EVI5: variants seen among roughly 807,000 people sequenced by gnomAD.
EVI5 encodes ecotropic viral integration site 5, also known as ecotropic viral integration site 5 protein homolog.
A neutral mutation model predicts 112.0 loss-of-function variants in EVI5; 73 were observed. The ratio of observed to expected loss-of-function variants is 0.65; its 90% CI spans 0.54 to 0.79. The LOEUF (loss-of-function observed/expected upper bound fraction) is 0.79. Among genes scored for constraint, EVI5 ranks in the 30% least tolerant of loss-of-function variants. The pLI, the probability that EVI5 is intolerant of heterozygous loss-of-function variation, is 0.00. For missense variants in EVI5, 900 were observed against 968.8 expected (o/e 0.93, Z 0.94); for synonymous variants, 305 against 319.9 (o/e 0.95, Z 0.50).
intron 13 of EVI5, chr1:92,647,600 C>A: frequency 2.0e-6 from 1 of 494,438 alleles, no homozygotes; most frequent in East Asian, 3.7e-5. Flanking sequence ...AAGGAATAAG[C>A]AGACACCTTT....
intron 3 of EVI5, chr1:92,704,010 G>A (rs1286353079): frequency 6.4e-6 from 1 of 156,108 alleles, no homozygotes; most frequent in African/African-American, 2.5e-5. Context: ...TCAATAAAAT[G>A]AGAGAATTTA....
chr1:92,552,352 T>C (rs551683753), intron 19 of EVI5, among the ~76,000 whole-genome samples: 2 of 152,316 alleles, frequency 1.3e-5, no homozygotes, highest in African/African-American at 2.4e-5. Flanking sequence ...ATAACAACCA[T>C]TAATTAGAAT....
chr1:92,751,595 T>G (rs1356897343), intron 1 of EVI5, among the ~76,000 whole-genome samples: 2 of 152,156 alleles, frequency 1.3e-5, no homozygotes, highest in Admixed American at 6.5e-5. Flanking sequence ...TTTGGTGGAG[T>G]ACCTCCTCTA....
intron 11 of EVI5, among the ~76,000 whole-genome samples, chr1:92,665,411 CAG>C (rs1664731081): frequency 6.6e-6 from 1 of 152,022 alleles, no homozygotes; most frequent in African/African-American, 2.4e-5. Flanking sequence ...CTATATAAAA[CAG>C]AGAAAATGTA....
intron 2 of EVI5, among the ~76,000 whole-genome samples, chr1:92,718,454 A>T (rs2102674695): frequency 6.6e-6 from 1 of 152,348 alleles, no homozygotes; most frequent in Non-Finnish European, 1.5e-5. Context: ...TGGGTAAATA[A>T]CAAAATGAAG....
rs566289326 is a variant in EVI5, at chr1:92,703,006, T to G, written c.564+389A>C. Among the ~76,000 whole-genome samples the G allele has an allele frequency of 5.9e-5, 9 of 152,294 alleles. No individual in the cohort carries two copies. The South Asian group carries it at 1.0e-3, about 18-fold the overall frequency. ...TGACAATGGTACACCTTTCAAGGGC[T>G]AAGTGCTCTTAACAGTGCTGGCCAT... On this transcript the variant is annotated intron_variant, in intron 4 of 19. Coordinates refer to ENST00000684568, the MANE Select transcript of EVI5 (RefSeq NM_001350197.2).
chr1:92,554,120 T>C (rs1016568146), intron 19 of EVI5, among the ~76,000 whole-genome samples: 1 of 152,302 alleles, frequency 6.6e-6, no homozygotes, highest in East Asian at 1.9e-4. Context: ...AATGTCAAGT[T>C]GGACAAATTC....
chr1:92,776,703 T>C (rs1684182391), intron 1 of EVI5, among the ~76,000 whole-genome samples: 1 of 151,590 alleles, frequency 6.6e-6, no homozygotes, highest in African/African-American at 2.4e-5. Flanking sequence ...TGGTATGATC[T>C]CGACTCACTG....
intron 18 of EVI5, among the ~76,000 whole-genome samples, chr1:92,597,487 T>C (rs1648175100): frequency 6.6e-6 from 1 of 152,200 alleles, no homozygotes; most frequent in Non-Finnish European, 1.5e-5. Flanking sequence ...CTAAGCTCAG[T>C]CACTCCTACT....
At chr1:92,756,669 T>A (rs969175937) in intron 1 of EVI5, 2 of 502,590 alleles carry the variant, frequency 4.0e-6, no homozygotes, top group Non-Finnish European at 8.2e-6. Context: ...TTCAGCAACC[T>A]CAGCATGTCA....
intron 1 of EVI5, among the ~76,000 whole-genome samples, chr1:92,752,977 G>A (rs2102936674): frequency 6.6e-6 from 1 of 152,134 alleles, no homozygotes; most frequent in Admixed American, 6.5e-5. Flanking sequence ...GACAAATAGT[G>A]AATAAATAAA....
At chr1:92,596,302 A>G (rs909520210) in intron 18 of EVI5, among the ~76,000 whole-genome samples, 2 of 152,116 alleles carry the variant, frequency 1.3e-5, no homozygotes, top group Non-Finnish European at 2.9e-5. Context: ...CGAGGTTACA[A>G]TGAGCCGTGA....
intron 10 of EVI5, among the ~76,000 whole-genome samples, chr1:92,671,877 A>C (rs1226823431): frequency 6.8e-6 from 1 of 146,474 alleles, no homozygotes. Flanking sequence ...ATCACAGCTC[A>C]CTGCAGCCTC....
chr1:92,779,845 G>A (rs1684633595), intron 1 of EVI5, among the ~76,000 whole-genome samples: 1 of 152,104 alleles, frequency 6.6e-6, no homozygotes, highest in Non-Finnish European at 1.5e-5. Context: ...CCAGGTATAG[G>A]GTCAGTGGAG....
At chr1:92,539,541 T>TC (rs1664450864) in intron 19 of EVI5, among the ~76,000 whole-genome samples, 9 of 25,150 alleles carry the variant, frequency 3.6e-4, no homozygotes, top group African/African-American at 2.3e-3. Flanking sequence ...AGACTCCATC[T>TC]CAAAAAAAAA....
chr1:92,550,815 A>T (rs1451551051), intron 19 of EVI5, among the ~76,000 whole-genome samples: 16 of 90,228 alleles, frequency 1.8e-4, no homozygotes, highest in African/African-American at 7.2e-4. Flanking sequence ...TATATATATA[A>T]CAAAAAAAAC....
chr1:92,591,969 C>T (rs1020226115), intron 18 of EVI5, among the ~76,000 whole-genome samples: 11 of 152,176 alleles, frequency 7.2e-5, no homozygotes, highest in African/African-American at 2.2e-4. Flanking sequence ...TCAAGCCGGG[C>T]GCGGTGGCTC....
At chr1:92,725,898 A>T (rs1377682402) in intron 2 of EVI5, among the ~76,000 whole-genome samples, 1 of 152,204 alleles carries the variant, frequency 6.6e-6, no homozygotes, top group Non-Finnish European at 1.5e-5. Flanking sequence ...TAATAGAGAC[A>T]TATTAAAAAA....
chr1:92,729,563 T>C (rs567038108), intron 2 of EVI5, among the ~76,000 whole-genome samples: 280 of 152,032 alleles, frequency 1.8e-3, no homozygotes, highest in Middle Eastern at 6.8e-3. Context: ...ATTGGTTCCC[T>C]GATACCAAAG....
Sources: allele counts gnomAD v4.1 joint callset (sites outside exome capture counted in the v4.1 genomes callset), GRCh38; gene constraint gnomAD v4.1.1; transcripts MANE v1.5; gene names NCBI Gene and HGNC (gene_info 2026-07-23, HGNC 2026-07-21).